The following EVL variants were observed in gnomAD, a reference collection of about 807,000 sequenced individuals.
The protein encoded by EVL is ena/VASP-like protein.
EVL carries 21 observed loss-of-function variants against 59.6 expected under a neutral mutation model. The ratio of observed to expected loss-of-function variants is 0.35; its 90% CI spans 0.25 to 0.51. EVL has a LOEUF of 0.51. Among genes scored for constraint, EVL ranks in the 20% least tolerant of loss-of-function variants. The pLI is 0.97. For missense variants in EVL, 462 were observed against 546.6 expected (o/e 0.85, Z 1.54); for synonymous variants, 198 against 203.5 (o/e 0.97, Z 0.23).
At chr14:100,101,194 A>G (rs768840777) in intron 3 of EVL, among the ~76,000 whole-genome samples, 3 of 152,114 alleles carry the variant, frequency 2.0e-5, no homozygotes, top group South Asian at 4.1e-4. Context: ...TACTAAAAAG[A>G]CAAAATTAGG....
At chr14:100,021,514 C>A (rs1016160052) in intron 1 of EVL, among the ~76,000 whole-genome samples, 2 of 151,986 alleles carry the variant, frequency 1.3e-5, no homozygotes, top group East Asian at 3.9e-4. Flanking sequence ...ATGTGGGGGC[C>A]CCGTGATCAT....
chr14:100,107,517 G>T, intron 3 of EVL: 1 of 388,934 alleles, frequency 2.6e-6, no homozygotes, highest in Non-Finnish European at 4.5e-6. Context: ...CCATGGCCAC[G>T]CCCAACGTTC....
intron 1 of EVL, among the ~76,000 whole-genome samples, chr14:100,022,320 C>T (rs910199146): frequency 2.6e-5 from 4 of 151,138 alleles, no homozygotes; most frequent in Non-Finnish European, 4.4e-5. Flanking sequence ...CTCTGTCACC[C>T]GGGCTGGAGT....
chr14:99,973,416 G>C (rs1166567969), intron 1 of EVL, among the ~76,000 whole-genome samples: 1 of 152,144 alleles, frequency 6.6e-6, no homozygotes, highest in Non-Finnish European at 1.5e-5. Context: ...ATTTGGTATA[G>C]TTTTCTGGAG....
rs905460620 is a variant in EVL at position 100,141,926 on chromosome 14, C to T, written c.1219+133C>T. ...ACTGGGCCCTGTGAGAGATTTCATT[C>T]TTACCATCTCTAGTTGAGGAAACAG... is the stretch of plus-strand genomic sequence containing the variant. On this transcript the variant is annotated intron_variant, in intron 13 of 13. Transcript: ENST00000392920. The T allele has an allele frequency of 1.7e-5, 11 of 648,658 alleles. No individual in the cohort carries two copies. In the African/African-American group the frequency reaches 2.0e-4, roughly 12 times the overall value. The allele number at this position is 648,658 out of a possible 1,614,324, so 40.2% of individuals were successfully genotyped here. A position where few individuals can be genotyped will look rare whatever the true frequency, so the allele number is the denominator to read the frequency against.
intron 1 of EVL, among the ~76,000 whole-genome samples, chr14:100,025,078 A>G (rs2061188538): frequency 6.6e-6 from 1 of 152,046 alleles, no homozygotes; most frequent in African/African-American, 2.4e-5. Flanking sequence ...CTGCCCTCCA[A>G]GCTTTCTGCC....
rs1029485073 is a variant in EVL at position 100,130,286 on chromosome 14, C to A, written c.839+602C>A. ...GCTGCAGCCTGCCATTGTGGCTCTC[C>A]GCTGTTCCCCAAATGAAACCCGAGC... On this transcript the variant is annotated intron_variant, in intron 7 of 13. Transcript: ENST00000392920. This position sits in a 1 kb window ranked among gnomAD's most constrained non-coding sequence, Gnocchi z 4.8. 6.6e-6 allele frequency among the ~76,000 whole-genome samples: 1 copy of A among 152,200 alleles called. No individual in the cohort carries two copies. Among genetic ancestry groups the A allele is most frequent in the African/African-American group, 2.4e-5 (1 of 41,446 alleles).
intron 1 of EVL, among the ~76,000 whole-genome samples, chr14:100,020,754 C>G (rs1489560304): frequency 6.6e-6 from 1 of 152,168 alleles, no homozygotes; most frequent in Non-Finnish European, 1.5e-5. Context: ...TAGATCTCCA[C>G]AAAGAAAAGT....
chr14:100,136,327 A>G (rs1888784993), intron 9 of EVL, among the ~76,000 whole-genome samples: 1 of 152,204 alleles, frequency 6.6e-6, no homozygotes, highest in African/African-American at 2.4e-5. Context: ...CTTAAGAGGT[A>G]TCAGTGTCAG....
At chr14:99,995,336 T>C (rs2060906336) in intron 1 of EVL, among the ~76,000 whole-genome samples, 1 of 152,228 alleles carries the variant, frequency 6.6e-6, no homozygotes, top group African/African-American at 2.4e-5. Flanking sequence ...TTTTTTCGTT[T>C]TATCCCTCTG....
chr14:100,017,919 C>T (rs890486491), intron 1 of EVL, among the ~76,000 whole-genome samples: 3 of 152,214 alleles, frequency 2.0e-5, no homozygotes, highest in African/African-American at 4.8e-5. Flanking sequence ...TGCTTCTCTT[C>T]GAGACGGAGA....
intron 1 of EVL, among the ~76,000 whole-genome samples, chr14:100,042,117 A>G (rs944560820): frequency 2.6e-5 from 4 of 152,258 alleles, no homozygotes; most frequent in African/African-American, 9.6e-5. Context: ...CAGTGTTACT[A>G]TGGTAATATG....
intron 1 of EVL, among the ~76,000 whole-genome samples, chr14:100,005,724 A>T (rs776835444): frequency 6.6e-6 from 1 of 152,088 alleles, no homozygotes. Context: ...AGCTTCTTTT[A>T]AAAAACTTTT....
At chr14:100,050,123 C>T (rs991614720) in intron 1 of EVL, among the ~76,000 whole-genome samples, 2 of 152,162 alleles carry the variant, frequency 1.3e-5, no homozygotes, top group Admixed American at 1.3e-4. Flanking sequence ...TCCAACAACT[C>T]CCACCCCGTA....
intron 1 of EVL, among the ~76,000 whole-genome samples, chr14:99,973,535 T>C (rs1272395499): frequency 6.6e-6 from 1 of 152,236 alleles, no homozygotes; most frequent in African/African-American, 2.4e-5. Context: ...CGATCTCGGC[T>C]CACTGCAACC....
At chr14:100,138,874 ACAGC>A (rs1263312678) in intron 11 of EVL, 1 of 152,218 alleles carries the variant, frequency 6.6e-6, no homozygotes, top group Non-Finnish European at 1.5e-5. Context: ...GATCATGGGG[ACAGC>A]CTCCCAAGCT....
rs368947363 is a variant in EVL, at chr14:100,085,690, G to A, written c.180+835G>A. Among the ~76,000 whole-genome samples the A allele has an allele frequency of 5.9e-5, 9 of 152,314 alleles. No individual in the cohort carries two copies. In the South Asian group the frequency reaches 6.2e-4, roughly 11 times the overall value. On this transcript the variant is annotated intron_variant, in intron 2 of 13. Transcript: ENST00000392920. The stretch of plus-strand genomic sequence containing the variant: ...GCTATCTTGGAAAGAATCAGCGATC[G>A]GAAGAGAGAGAACAGAAACTCTGGG...
intron 1 of EVL, among the ~76,000 whole-genome samples, chr14:99,989,596 A>G (rs961575203): frequency 1.3e-5 from 2 of 152,136 alleles, no homozygotes; most frequent in African/African-American, 4.8e-5. Flanking sequence ...CCACCCTCAC[A>G]TATTTTTTAT....
At position 100,123,585 on chromosome 14, in the gene EVL, G is replaced by A. The variant is rs373652185; in HGVS notation, c.405G>A (p.Glu135=). Residue 135 remains glutamate, a synonymous_variant, in exon 4 of 14, where the codon GAG becomes GAA. Coordinates refer to ENST00000392920, the MANE Select transcript of EVL (RefSeq NM_016337.3). ...TGCAGAATGGCCCCTCTCCTGATGA[G>A]ATGGACATCCAGAGAAGGTAACCCA... ...RQVQNGPSPD[E]MDIQRRQVME... The A allele has an allele frequency of 6.2e-7, 1 of 1,614,148 alleles. No homozygotes were observed. Among genetic ancestry groups the A allele is most frequent in the East Asian group, 2.2e-5 (1 of 44,878 alleles).
Sources: gnomAD v4.1 joint callset for allele counts (sites outside exome capture counted in the v4.1 genomes callset) on GRCh38, gnomAD v4.1.1 for gene constraint, Gnocchi (gnomAD v3.1) non-coding constraint, MANE v1.5 for transcripts, NCBI Gene and HGNC (gene_info 2026-07-23, HGNC 2026-07-21) for gene names.